Variants in GRAMD2B observed in about 807,000 individuals in gnomAD.
GRAMD2B encodes GRAM domain-containing protein 2B.
GRAMD2B carries 41 observed loss-of-function variants against 59.2 expected under a neutral mutation model. The ratio of observed to expected loss-of-function variants is 0.69; its 90% CI spans 0.54 to 0.90. The LOEUF (loss-of-function observed/expected upper bound fraction) is 0.90. Among genes scored for constraint, GRAMD2B ranks in the 40% least tolerant of loss-of-function variants. The pLI, the probability that GRAMD2B is intolerant of heterozygous loss-of-function variation, is 0.00. For missense variants in GRAMD2B, 424 were observed against 500.5 expected (o/e 0.85, Z 1.46); for synonymous variants, 161 against 182.7 (o/e 0.88, Z 0.96).
chr5:126,467,829 C>T (rs185415618), intron 2 of GRAMD2B, among the ~76,000 whole-genome samples: 1 of 152,148 alleles, frequency 6.6e-6, no homozygotes, highest in Non-Finnish European at 1.5e-5. Flanking sequence ...GGGTATTTGC[C>T]CTGTGATTTC....
intron 1 of GRAMD2B, among the ~76,000 whole-genome samples, chr5:126,400,559 C>A (rs1393767376): frequency 6.6e-6 from 1 of 152,130 alleles, no homozygotes; most frequent in East Asian, 1.9e-4. Flanking sequence ...GTGAGTTACA[C>A]ATTTTCATAT....
At chr5:126,387,933 G>C in intron 1 of GRAMD2B, among the ~76,000 whole-genome samples, 1 of 152,184 alleles carries the variant, frequency 6.6e-6, no homozygotes, top group East Asian at 1.9e-4. Flanking sequence ...TTCAGAGTCT[G>C]TCACTTGAAT....
At chr5:126,453,168 C>CT (rs1765671091) in intron 1 of GRAMD2B, among the ~76,000 whole-genome samples, 1 of 152,032 alleles carries the variant, frequency 6.6e-6, no homozygotes, top group Non-Finnish European at 1.5e-5. Flanking sequence ...AATTCTGTCT[C>CT]TATTAAAAAT....
chr5:126,371,806 T>C (rs1156714979), intron 1 of GRAMD2B, among the ~76,000 whole-genome samples: 2 of 152,214 alleles, frequency 1.3e-5, no homozygotes, highest in African/African-American at 4.8e-5. Flanking sequence ...TTTAGTGCCT[T>C]CTTTAGTACT....
At chr5:126,440,485 T>C (rs1256003460) in intron 1 of GRAMD2B, among the ~76,000 whole-genome samples, 1 of 152,154 alleles carries the variant, frequency 6.6e-6, no homozygotes, top group Non-Finnish European at 1.5e-5. Flanking sequence ...TCCAAATATA[T>C]CTGGAGGTAT....
chr5:126,486,821 A>G (rs568717220), intron 11 of GRAMD2B, 52 bp from the exon 12 acceptor site: 3 of 1,124,130 alleles, frequency 2.7e-6, no homozygotes, highest in East Asian at 2.3e-5. Flanking sequence ...TTTTATGAAC[A>G]TCAGATCCTG....
intron 1 of GRAMD2B, among the ~76,000 whole-genome samples, chr5:126,360,735 A>T (rs1754181030): frequency 1.3e-5 from 2 of 152,136 alleles, no homozygotes; most frequent in Non-Finnish European, 2.9e-5. Context: ...TTGTCATGTC[A>T]CTCAAGCTGA....
intron 1 of GRAMD2B, among the ~76,000 whole-genome samples, chr5:126,415,473 G>T (rs1411526685): frequency 6.6e-6 from 1 of 151,920 alleles, no homozygotes; most frequent in African/African-American, 2.4e-5. Context: ...CATGTAAAAG[G>T]CATGCAAAAA....
intron 1 of GRAMD2B, among the ~76,000 whole-genome samples, chr5:126,373,082 C>T (rs919962119): frequency 5.9e-5 from 9 of 152,052 alleles, no homozygotes; most frequent in South Asian, 2.1e-4. Flanking sequence ...CTATGTCACC[C>T]GCATATTTGA....
At chr5:126,417,452 C>G (rs757965048) in intron 1 of GRAMD2B, among the ~76,000 whole-genome samples, 4 of 152,228 alleles carry the variant, frequency 2.6e-5, no homozygotes, top group Non-Finnish European at 5.9e-5. Context: ...GCCATCCCAG[C>G]TGAAGCACCA....
intron 12 of GRAMD2B, among the ~76,000 whole-genome samples, chr5:126,488,597 G>A (rs540490610): frequency 5.9e-5 from 9 of 152,284 alleles, no homozygotes; most frequent in Non-Finnish European, 1.3e-4. Context: ...GAGATTTCCC[G>A]CTGAGCTTTT....
intron 13 of GRAMD2B, 74 bp from the exon 14 acceptor site, chr5:126,492,841 T>C (rs967923238): frequency 1.0e-6 from 1 of 962,124 alleles, no homozygotes; most frequent in Non-Finnish European, 1.6e-6. Context: ...GAATGCTATA[T>C]AGACTATAAC....
chr5:126,478,971 C>G (rs13154093), intron 6 of GRAMD2B, among the ~76,000 whole-genome samples: 1 of 152,118 alleles, frequency 6.6e-6, no homozygotes, highest in East Asian at 1.9e-4. Context: ...AACAGCTTGC[C>G]TAAACTACCT....
upstream of GRAMD2B, among the ~76,000 whole-genome samples, chr5:126,367,432 T>TGGAGGAGGAGGA (rs70994862): frequency 1.2e-3 from 173 of 140,730 alleles, no homozygotes; most frequent in Middle Eastern, 3.6e-3. Flanking sequence ...CTGTAAAAAC[T>TGGAGGAGGAGGA]GGAGGAGGAG....
At chr5:126,439,589 G>C (rs1172722316) in intron 1 of GRAMD2B, among the ~76,000 whole-genome samples, 1 of 152,058 alleles carries the variant, frequency 6.6e-6, no homozygotes, top group African/African-American at 2.4e-5. Flanking sequence ...GCTTCCCAAA[G>C]TGCTGGGATT....
chr5:126,361,299 T>C (rs17154471), intron 1 of GRAMD2B, among the ~76,000 whole-genome samples: 2,857 of 152,144 alleles, frequency 0.019, 100 homozygotes, highest in African/African-American at 0.065. Flanking sequence ...CTGTGAGGCA[T>C]GATGGGAACT....
At chr5:126,377,254 C>T (rs1755270932) in intron 1 of GRAMD2B, among the ~76,000 whole-genome samples, 3 of 151,172 alleles carry the variant, frequency 2.0e-5, no homozygotes, top group Non-Finnish European at 4.4e-5. Flanking sequence ...ACCCACACCC[C>T]CACTCTCATC....
chr5:126,445,977 T>A (rs1209687960), intron 1 of GRAMD2B, among the ~76,000 whole-genome samples: 2 of 152,138 alleles, frequency 1.3e-5, no homozygotes, highest in Admixed American at 1.3e-4. Context: ...GCAAGAGCCA[T>A]GTGGACTAGT....
rs182468955 is a variant in GRAMD2B, at chr5:126,430,729, A to C, written c.83+7040A>C. On this transcript the variant is annotated intron_variant, in intron 1 of 13. Transcript: ENST00000285689. ...AAAAGAAAGGGCTTTCATGTAGCAA[A>C]AGAAACAAGATTGTAAGCATCTTAA... is the stretch of plus-strand genomic sequence containing the variant. Among the ~76,000 whole-genome samples, 4 of 152,336 alleles carry C rather than the reference A, an allele frequency of 2.6e-5. No individual in the cohort carries two copies. The East Asian group carries it at 7.7e-4, about 29-fold the overall frequency.
Sources: allele counts gnomAD v4.1 joint callset (sites outside exome capture counted in the v4.1 genomes callset), GRCh38; gene constraint gnomAD v4.1.1; transcripts MANE v1.5; gene names NCBI Gene and HGNC (gene_info 2026-07-23, HGNC 2026-07-21).